Variants in TLN2 observed in about 807,000 individuals in gnomAD.
TLN2 encodes the protein talin 2.
In TLN2, 118 loss-of-function variants were observed where a neutral mutation model predicts 294.7. That is an observed-to-expected ratio of 0.40 (90% CI 0.34 to 0.47). The LOEUF is 0.47. Ranked by LOEUF, TLN2 falls within the 20% of genes least tolerant of loss-of-function variation. The probability of loss-of-function intolerance (pLI) is 0.84; values close to 1 mark genes in which losing one functional copy is unlikely to be tolerated. For synonymous variants in TLN2, 1,431 were observed against 1,304.5 expected (o/e 1.10, Z -2.09); for missense variants, 3,083 against 3,282.2 (o/e 0.94, Z 1.48).
At chr15:62,426,957 C>T (rs1194138898) in intron 1 of TLN2, among the ~76,000 whole-genome samples, 2 of 152,168 alleles carry the variant, frequency 1.3e-5, no homozygotes, top group Non-Finnish European at 1.5e-5. Context: ...GCCACCCAGA[C>T]GGCCCCTCTC....
At chr15:62,781,825 G>T (rs375217027) in intron 44 of TLN2, among the ~76,000 whole-genome samples, 25 of 152,106 alleles carry the variant, frequency 1.6e-4, no homozygotes, top group African/African-American at 6.0e-4. Flanking sequence ...GGTTTTTGTT[G>T]TTTTGTTTGT....
In TLN2 at chr15:62,708,418, G is replaced by A. The variant is rs949305982; in HGVS notation, c.2173-84G>A. 5 of 1,434,698 alleles carry A rather than the reference G, an allele frequency of 3.5e-6. No individual in the cohort carries two copies. The African/African-American group carries it at 7.0e-5, about 20-fold the overall frequency. The allele number at this position is 1,434,698 out of a possible 1,614,324, so 88.9% of individuals were successfully genotyped here. A position where few individuals can be genotyped will look rare whatever the true frequency, so the allele number is the denominator to read the frequency against. On this transcript the variant is annotated intron_variant, in intron 20 of 58. Coordinates refer to ENST00000636159, the MANE Select transcript of TLN2 (RefSeq NM_015059.3). The stretch of plus-strand genomic sequence containing the variant: ...AAGAAACCGAGGCCCAGAGCAGGAA[G>A]GGCTTTGATGGGACTGCGGGGGCAC...
chr15:62,453,640 T>C (rs765120773), intron 1 of TLN2: 1 of 152,230 alleles, frequency 6.6e-6, no homozygotes, highest in Non-Finnish European at 1.5e-5. Context: ...TCCTGTTTAA[T>C]GCAGTCAGCT....
In TLN2 at chr15:62,652,019, T is replaced by C; in HGVS notation, c.249T>C (p.Tyr83=). 2 of 1,609,986 alleles carry C rather than the reference T, an allele frequency of 1.2e-6. No individual in the cohort carries two copies. Among genetic ancestry groups the C allele is most frequent in the Non-Finnish European group, 1.7e-6 (2 of 1,177,640 alleles). ...YMLRNGDILE[Y]KKKQRPQKIR... ...TTGTGCTCTAGGATATTTTGGAATATAAAAAGAAACAGAGACCTCAGAAAA... is the reference window on the plus strand; with the variant it reads ...TTGTGCTCTAGGATATTTTGGAATACAAAAAGAAACAGAGACCTCAGAAAA... The change falls in exon 6 of 59, where the codon TAT becomes TAC. Residue 83 remains tyrosine, a synonymous_variant. Transcript: ENST00000636159.
At chr15:62,581,610 T>G (rs1205480701) in intron 1 of TLN2, among the ~76,000 whole-genome samples, 2 of 152,178 alleles carry the variant, frequency 1.3e-5, no homozygotes, top group Non-Finnish European at 2.9e-5. Context: ...TGTTTCATTC[T>G]CCAATTGTTA....
At chr15:62,747,449 A>G (rs2061678905) in intron 32 of TLN2, among the ~76,000 whole-genome samples, 1 of 152,210 alleles carries the variant, frequency 6.6e-6, no homozygotes, top group African/African-American at 2.4e-5. Flanking sequence ...TGGAAGGAAG[A>G]AATTTTAAAA....
intron 1 of TLN2, among the ~76,000 whole-genome samples, chr15:62,568,854 C>G (rs955730489): frequency 1.3e-5 from 2 of 152,184 alleles, no homozygotes; most frequent in African/African-American, 2.4e-5. Context: ...AATCTCGAGG[C>G]TAGATAACCC....
At chr15:62,478,638 C>T (rs927435544) in intron 1 of TLN2, among the ~76,000 whole-genome samples, 1 of 152,052 alleles carries the variant, frequency 6.6e-6, no homozygotes, top group African/African-American at 2.4e-5. Context: ...ACCTAGTCCT[C>T]GAGGGCTCAG....
intron 45 of TLN2, among the ~76,000 whole-genome samples, chr15:62,789,411 C>A (rs2064921939): frequency 6.6e-6 from 1 of 152,142 alleles, no homozygotes. Context: ...GACCACTGGG[C>A]CAGCTGCACC....
At chr15:62,537,948 G>C (rs958590486) in intron 1 of TLN2, among the ~76,000 whole-genome samples, 1 of 152,184 alleles carries the variant, frequency 6.6e-6, no homozygotes. Context: ...TTGGCTGGTC[G>C]TGGTGGCTCA....
chr15:62,461,594 A>G (rs1456682521), intron 1 of TLN2, among the ~76,000 whole-genome samples: 1 of 152,228 alleles, frequency 6.6e-6, no homozygotes, highest in Non-Finnish European at 1.5e-5. Flanking sequence ...GTTACTGAGC[A>G]TCACTGCGGG....
intron 1 of TLN2, among the ~76,000 whole-genome samples, chr15:62,435,697 T>G (rs2035254072): frequency 6.6e-6 from 1 of 152,078 alleles, no homozygotes; most frequent in Non-Finnish European, 1.5e-5. Flanking sequence ...GCCTACCACC[T>G]TGCCTGGCTA....
intron 1 of TLN2, chr15:62,476,446 A>G (rs1201619204): frequency 1.3e-5 from 2 of 152,220 alleles, no homozygotes; most frequent in Non-Finnish European, 2.9e-5. Flanking sequence ...CTTCGCAAGC[A>G]GCTCTAGACC....
intron 28 of TLN2, among the ~76,000 whole-genome samples, chr15:62,730,606 G>C (rs2060670365): frequency 6.6e-6 from 1 of 152,088 alleles, no homozygotes; most frequent in African/African-American, 2.4e-5. Flanking sequence ...TTTATTTTGG[G>C]TGGATAATAT....
intron 1 of TLN2, among the ~76,000 whole-genome samples, chr15:62,581,723 T>C (rs923996510): frequency 6.6e-6 from 1 of 152,140 alleles, no homozygotes; most frequent in African/African-American, 2.4e-5. Context: ...GAGAAGTTTA[T>C]TCACAGACCC....
chr15:62,758,637 C>G (rs1489585057), intron 37 of TLN2: 2 of 152,234 alleles, frequency 1.3e-5, no homozygotes, highest in Non-Finnish European at 2.9e-5. Flanking sequence ...ATCCAGCTCT[C>G]TTTAATCGAA....
intron 53 of TLN2, among the ~76,000 whole-genome samples, chr15:62,820,282 T>A (rs928894080): frequency 2.6e-5 from 4 of 152,028 alleles, no homozygotes; most frequent in African/African-American, 9.7e-5. Flanking sequence ...TACATGCAAC[T>A]GATTTAGAAA....
intron 45 of TLN2, chr15:62,784,653 CCAGGGCTTGGGGGAACCA>C (rs1212129945): frequency 6.6e-6 from 1 of 152,216 alleles, no homozygotes; most frequent in Non-Finnish European, 1.5e-5. Flanking sequence ...TAGAAGGAGT[CCAGGGCTTGGGGGAACCA>C]CATGGCTTCT....
intron 45 of TLN2, 63 bp from the exon 46 acceptor site, chr15:62,792,578 G>A: frequency 6.3e-7 from 1 of 1,579,534 alleles, no homozygotes; most frequent in Non-Finnish European, 8.6e-7. Context: ...TTCCACGTAG[G>A]GAAGGCCTCG....
Sources: allele counts gnomAD v4.1 joint callset (sites outside exome capture counted in the v4.1 genomes callset), GRCh38; gene constraint gnomAD v4.1.1; transcripts MANE v1.5; gene names NCBI Gene and HGNC (gene_info 2026-07-23, HGNC 2026-07-21).